LINGO2: variants seen among roughly 807,000 people sequenced by gnomAD.
The protein encoded by LINGO2 is leucine rich repeat and Ig domain containing 2.
Under a neutral mutation model 30.6 loss-of-function variants are expected in LINGO2, and 14 were observed. The ratio of observed to expected loss-of-function variants is 0.46; its 90% confidence interval spans 0.30 to 0.72. The LOEUF is 0.72. LINGO2 is among the 30% of genes least tolerant of loss of function. The probability of loss-of-function intolerance (pLI) is 0.07; values close to 1 mark genes in which losing one functional copy is unlikely to be tolerated. For missense variants in LINGO2, 729 were observed against 751.7 expected, an observed-to-expected ratio of 0.97 and a Z score of 0.35; for synonymous variants, 317 against 288.5, an observed-to-expected ratio of 1.10 and a Z score of -1.00.
chr9:29,195,517 C>T, the LINGO2 span, among the ~76,000 whole-genome samples: 1 of 151,890 alleles, frequency 6.6e-6, no homozygotes, highest in African/African-American at 2.4e-5. Flanking sequence ...TCCTTAGAAA[C>T]TTTCATACTG....
At chr9:29,176,374 G>A in the LINGO2 span, among the ~76,000 whole-genome samples, 1 of 152,296 alleles carries the variant, frequency 6.6e-6, no homozygotes, top group Admixed American at 6.5e-5. Context: ...GCTAGTTAGA[G>A]AAGGTGGTGA....
chr9:28,785,910 A>AAATTCATAT, the LINGO2 span, among the ~76,000 whole-genome samples: 4 of 152,192 alleles, frequency 2.6e-5, no homozygotes, highest in African/African-American at 9.7e-5. Context: ...AATGTACACT[A>AAATTCATAT]AATTCATATA....
At chr9:29,121,123 AT>A in the LINGO2 span, among the ~76,000 whole-genome samples, 2 of 152,118 alleles carry the variant, frequency 1.3e-5, no homozygotes, top group African/African-American at 4.8e-5. Flanking sequence ...TTACAACAAA[AT>A]TTTTGGAAAT....
At chr9:28,270,933 G>A (rs919211990) in intron 4 of LINGO2, among the ~76,000 whole-genome samples, 13 of 152,050 alleles carry the variant, frequency 8.5e-5, no homozygotes, top group African/African-American at 3.1e-4. Flanking sequence ...GTGGGTGGCT[G>A]AGCAGAGCCT....
rs74907787 is a variant in LINGO2 at position 28,542,844 on chromosome 9, C to T, written c.-364-66819G>A. ...TGAGTGAAACAGTGCATGAACCACA[C>T]TTGGAGAACAACATGCCTAAAGCTT... On this transcript the variant is annotated intron_variant, in intron 1 of 5. Coordinates refer to ENST00000379992, the Ensembl canonical transcript of LINGO2. Among the ~76,000 whole-genome samples, 1,438 of 152,062 alleles carry T rather than the reference C, an allele frequency of 9.5e-3. 36 individuals carry two copies. The highest frequency in any genetic ancestry group is 0.094 in the East Asian group (481 of 5,142).
At chr9:28,681,183 TG>T in the LINGO2 span, among the ~76,000 whole-genome samples, 1 of 152,072 alleles carries the variant, frequency 6.6e-6, no homozygotes, top group Non-Finnish European at 1.5e-5. Flanking sequence ...ACTAACTGCA[TG>T]CAACTTAGTT....
the LINGO2 span, among the ~76,000 whole-genome samples, chr9:29,185,952 G>C: frequency 0.17 from 25,181 of 151,944 alleles, 2,237 homozygotes; most frequent in East Asian, 0.38. Context: ...GTTCCTGAAG[G>C]CTTTTTAAAA....
At chr9:28,252,461 G>A (rs774020859) in intron 4 of LINGO2, among the ~76,000 whole-genome samples, 1 of 152,004 alleles carries the variant, frequency 6.6e-6, no homozygotes, top group Admixed American at 6.6e-5. Context: ...TCTTAACCTC[G>A]TGATCTGCCC....
chr9:29,184,736 CCT>C, the LINGO2 span, among the ~76,000 whole-genome samples: 18 of 148,978 alleles, frequency 1.2e-4, no homozygotes, highest in Admixed American at 2.7e-4. Context: ...CCTCTCCCTT[CCT>C]CTCTCTCTCT....
chr9:28,547,879 T>C (rs16913294), intron 1 of LINGO2, among the ~76,000 whole-genome samples: 3,342 of 152,190 alleles, frequency 0.022, 122 homozygotes, highest in African/African-American at 0.076. Flanking sequence ...GGGAAGAGCA[T>C]AGGTAAGTTT....
chr9:28,249,131 G>A (rs369580051), intron 4 of LINGO2, among the ~76,000 whole-genome samples: 70 of 152,060 alleles, frequency 4.6e-4, no homozygotes, highest in African/African-American at 1.5e-3. Context: ...AATAAGAAGC[G>A]AAGTATTATT....
chr9:28,691,644 CA>C, the LINGO2 span, among the ~76,000 whole-genome samples: 1 of 152,060 alleles, frequency 6.6e-6, no homozygotes, highest in African/African-American at 2.4e-5. Context: ...GAATATCCAT[CA>C]TAGTAGTGAT....
chr9:27,948,928 C>A, exon 6 of LINGO2: 1 of 1,614,056 alleles, frequency 6.2e-7, no homozygotes, highest in Non-Finnish European at 8.5e-7. Flanking sequence ...TTTCTGGGCA[C>A]ATACTCAAGG....
the LINGO2 span, among the ~76,000 whole-genome samples, chr9:28,908,752 G>T: frequency 1.3e-5 from 2 of 151,846 alleles, no homozygotes; most frequent in African/African-American, 4.8e-5. Context: ...CAAATGACCT[G>T]TCAGTTATTT....
chr9:27,965,893 G>A (rs565358152), intron 5 of LINGO2, among the ~76,000 whole-genome samples: 5 of 152,134 alleles, frequency 3.3e-5, no homozygotes, highest in African/African-American at 1.2e-4. Context: ...AATCTATAAG[G>A]CAGTATAAGG....
chr9:28,665,974 C>A (rs1423666229), intron 1 of LINGO2, among the ~76,000 whole-genome samples: 1 of 150,462 alleles, frequency 6.6e-6, no homozygotes, highest in East Asian at 2.0e-4. Context: ...CTCACTGCAA[C>A]CTCCGCCTCT....
At chr9:28,196,429 G>A (rs1214676883) in intron 4 of LINGO2, among the ~76,000 whole-genome samples, 1 of 151,674 alleles carries the variant, frequency 6.6e-6, no homozygotes, top group Admixed American at 6.6e-5. Flanking sequence ...TAGCATATTG[G>A]AATTAATAGA....
chr9:29,116,807 C>T, the LINGO2 span, among the ~76,000 whole-genome samples: 2 of 152,216 alleles, frequency 1.3e-5, no homozygotes, highest in Admixed American at 6.5e-5. Context: ...AAGTGGCTGT[C>T]ATTATTGCTT....
chr9:29,150,269 A>G, the LINGO2 span, among the ~76,000 whole-genome samples: 2 of 152,208 alleles, frequency 1.3e-5, no homozygotes, highest in Non-Finnish European at 2.9e-5. Context: ...AAATGAAGCC[A>G]ATTGAATATA....
Sources: gnomAD v4.1 joint callset for allele counts (sites outside exome capture counted in the v4.1 genomes callset) on GRCh38, gnomAD v4.1.1 for gene constraint, MANE v1.5 for transcripts, NCBI Gene and HGNC (gene_info 2026-07-23, HGNC 2026-07-21) for gene names.